The following PPM1B variants were observed in gnomAD, a reference collection of about 807,000 sequenced individuals.
PPM1B encodes protein phosphatase, Mg2+/Mn2+ dependent 1B.
In PPM1B, 22 loss-of-function variants were observed where a neutral mutation model predicts 43.0. The observed-to-expected ratio is 0.51, with a 90% CI of 0.37 to 0.73. The LOEUF is 0.73. Ranked by LOEUF, PPM1B falls within the 30% of genes least tolerant of loss-of-function variation. PPM1B has a pLI of 0.00. For missense variants in PPM1B, 632 were observed against 584.2 expected (o/e 1.08, Z -0.84); for synonymous variants, 217 against 197.9 (o/e 1.10, Z -0.81).
intron 1 of PPM1B, among the ~76,000 whole-genome samples, chr2:44,171,460 C>A (rs887642385): frequency 1.3e-5 from 2 of 152,060 alleles, no homozygotes; most frequent in African/African-American, 4.8e-5. Flanking sequence ...AAATATGATG[C>A]TGATTATGTC....
At chr2:44,208,129 C>T (rs1215435783) in intron 2 of PPM1B, among the ~76,000 whole-genome samples, 1 of 151,884 alleles carries the variant, frequency 6.6e-6, no homozygotes, top group Non-Finnish European at 1.5e-5. Flanking sequence ...ACCTTGTGAT[C>T]TGCCCTCCTC....
At chr2:44,243,215 G>A (rs758845264) in intron 5 of PPM1B, among the ~76,000 whole-genome samples, 119 of 152,178 alleles carry the variant, frequency 7.8e-4, no homozygotes, top group Non-Finnish European at 1.2e-3. Flanking sequence ...GAGCTGAAGA[G>A]TATAAGAGAG....
At chr2:44,184,411 C>T (rs1443795595) in intron 1 of PPM1B, among the ~76,000 whole-genome samples, 1 of 152,020 alleles carries the variant, frequency 6.6e-6, no homozygotes, top group Non-Finnish European at 1.5e-5. Flanking sequence ...TTTTTTTCGT[C>T]TCTTGACCTT....
chr2:44,173,177 G>A (rs570771814), intron 1 of PPM1B, among the ~76,000 whole-genome samples: 4 of 152,200 alleles, frequency 2.6e-5, no homozygotes, highest in Admixed American at 2.6e-4. Flanking sequence ...GTACTGGCCG[G>A]CCAAAAAAGA....
At chr2:44,206,714 A>G (rs775940655) in intron 2 of PPM1B, among the ~76,000 whole-genome samples, 3 of 152,078 alleles carry the variant, frequency 2.0e-5, no homozygotes, top group Non-Finnish European at 4.4e-5. Flanking sequence ...AAGTGTAATT[A>G]TGCTTGATTC....
intron 1 of PPM1B, among the ~76,000 whole-genome samples, chr2:44,178,317 C>G (rs554067749): frequency 6.6e-6 from 1 of 151,594 alleles, no homozygotes; most frequent in Non-Finnish European, 1.5e-5. Context: ...TATATATATG[C>G]GAGAATTTCT....
downstream of PPM1B, chr2:44,234,714 C>T (rs75342681): frequency 0.018 from 10,883 of 611,718 alleles, 1,048 homozygotes; most frequent in African/African-American, 0.2. Flanking sequence ...AAATTGTATA[C>T]TCCAGTGAAC....
At chr2:44,230,275 A>G in intron 5 of PPM1B, 138 bp from the exon 6 acceptor site, 1 of 1,479,620 alleles carries the variant, frequency 6.8e-7, no homozygotes, top group Non-Finnish European at 9.0e-7. Context: ...GTAAGAATTG[A>G]TATTTAATAA....
chr2:44,235,978 A>C (rs1670596315), downstream of PPM1B, among the ~76,000 whole-genome samples: 1 of 152,212 alleles, frequency 6.6e-6, no homozygotes, highest in Non-Finnish European at 1.5e-5. Flanking sequence ...CAATCTAAGC[A>C]ACAAATGCTT....
At chr2:44,238,134 C>T (rs148091997), downstream of PPM1B, among the ~76,000 whole-genome samples, 4,423 of 152,038 alleles carry the variant, frequency 0.029, 221 homozygotes, top group African/African-American at 0.1. Flanking sequence ...AACTCCTGAC[C>T]TTGGGTGATC....
intron 1 of PPM1B, among the ~76,000 whole-genome samples, chr2:44,190,018 A>G: frequency 6.6e-6 from 1 of 152,240 alleles, no homozygotes; most frequent in East Asian, 1.9e-4. Flanking sequence ...ATATCGTGTG[A>G]ATGTGAATGT....
chr2:44,230,418 C>T lies in PPM1B; in HGVS notation c.1140C>T (p.Ser380=), dbSNP rs1303991465. The T allele has an allele frequency of 6.2e-6, 10 of 1,612,906 alleles. No individual in the cohort carries two copies. Among genetic ancestry groups the T allele is most frequent in the Non-Finnish European group, 7.6e-6 (9 of 1,179,430 alleles). The change falls in exon 6 of 6, where the codon TCC becomes TCT. Residue 380 remains serine (S), a synonymous_variant. Coordinates refer to ENST00000282412, the MANE Select transcript of PPM1B (RefSeq NM_002706.6). ...GTCTTGAATCTTAAAAAAAGGCCTCCGATGAAGCAGAGGAAAGTGGATCAC... is the reference window on the plus strand; with the variant it reads ...GTCTTGAATCTTAAAAAAAGGCCTCTGATGAAGCAGAGGAAAGTGGATCAC... ...LNPHRESDGA[S]DEAEESGSQG...
chr2:44,189,329 C>G (rs538021072), intron 1 of PPM1B, among the ~76,000 whole-genome samples: 33 of 152,324 alleles, frequency 2.2e-4, no homozygotes, highest in African/African-American at 7.7e-4. Context: ...TTCTCTATAA[C>G]TTAGTTTCAC....
intron 2 of PPM1B, among the ~76,000 whole-genome samples, chr2:44,208,623 G>C (rs576762426): frequency 6.6e-6 from 1 of 152,322 alleles, no homozygotes; most frequent in Middle Eastern, 3.4e-3. Flanking sequence ...TGAGGCAGGA[G>C]AATTGCTTGA....
At position 44,193,575 on chromosome 2, in the gene PPM1B, CTTTTTTT is replaced by C. The variant is rs575288322; in HGVS notation, c.-14-7597_-14-7591del. Among the ~76,000 whole-genome samples, 491 of 116,732 alleles carry C rather than the reference CTTTTTTT, an allele frequency of 4.2e-3. 4 individuals are homozygous for C. The highest frequency in any genetic ancestry group is 0.016 in the African/African-American group (465 of 28,996). The allele number at this position is 116,732 out of a possible 152,430, so 76.6% of individuals were successfully genotyped here. ...TACCCAGCTAATTAAAATTTTTTTT[CTTTTTTT>C]TTTTTTTTTTTTTGAGAGACAGAGT... is the stretch of plus-strand genomic sequence containing the variant. On this transcript the variant is annotated intron_variant, in intron 1 of 5. Coordinates refer to ENST00000282412, the MANE Select transcript of PPM1B (RefSeq NM_002706.6).
chr2:44,222,946 T>C (rs1333041935), intron 5 of PPM1B, among the ~76,000 whole-genome samples: 1 of 152,148 alleles, frequency 6.6e-6, no homozygotes. Context: ...TCCTCCCAGC[T>C]CAGCCTCCTG....
At chr2:44,241,126 C>G (rs1238346659) in intron 5 of PPM1B, among the ~76,000 whole-genome samples, 1 of 143,596 alleles carries the variant, frequency 7.0e-6, no homozygotes, top group African/African-American at 2.5e-5. Flanking sequence ...GCCTCAGCGT[C>G]CCAAGTAGCT....
intron 5 of PPM1B, among the ~76,000 whole-genome samples, chr2:44,242,254 A>G (rs1670766304): frequency 6.6e-6 from 1 of 152,182 alleles, no homozygotes; most frequent in Non-Finnish European, 1.5e-5. Context: ...AAATAATGGA[A>G]TCTTAGAGTT....
chr2:44,194,207 A>G (rs1219594454), intron 1 of PPM1B, among the ~76,000 whole-genome samples: 4 of 151,334 alleles, frequency 2.6e-5, no homozygotes, highest in Admixed American at 6.6e-5. Context: ...GTATCTGGTA[A>G]TCTTTGGATA....
Sources: gnomAD v4.1 joint callset for allele counts (sites outside exome capture counted in the v4.1 genomes callset) on GRCh38, gnomAD v4.1.1 for gene constraint, MANE v1.5 for transcripts, NCBI Gene and HGNC (gene_info 2026-07-23, HGNC 2026-07-21) for gene names.